CAST: variants seen among roughly 807,000 people sequenced by gnomAD.
The protein encoded by CAST is MIR583 host.
In CAST, 76 loss-of-function variants were observed where a neutral mutation model predicts 119.6. That is an observed-to-expected ratio of 0.64 (90% CI 0.53 to 0.77). The LOEUF is 0.77. CAST is among the 30% of genes least tolerant of loss of function. The pLI, the probability that CAST is intolerant of heterozygous loss-of-function variation, is 0.00. For missense variants in CAST, 953 were observed against 946.5 expected, an observed-to-expected ratio of 1.01 and a Z score of -0.09; for synonymous variants, 319 against 331.6, an observed-to-expected ratio of 0.96 and a Z score of 0.41.
intron 1 of CAST, among the ~76,000 whole-genome samples, chr5:96,544,623 G>C (rs980879789): frequency 6.6e-6 from 1 of 151,828 alleles, no homozygotes; most frequent in Non-Finnish European, 1.5e-5. Context: ...TAAAAAAGAA[G>C]TATAATTGAT....
chr5:96,277,733 A>C, the CAST span, among the ~76,000 whole-genome samples: 1 of 152,066 alleles, frequency 6.6e-6, no homozygotes, highest in Non-Finnish European at 1.5e-5. Context: ...AATATACAAA[A>C]CATCATCATT....
chr5:96,732,255 G>A (rs1248173742), intron 9 of CAST, among the ~76,000 whole-genome samples: 1 of 138,492 alleles, frequency 7.2e-6, no homozygotes, highest in African/African-American at 2.7e-5. Context: ...GATGGCCAGT[G>A]ATGATGAGCA....
the CAST span, among the ~76,000 whole-genome samples, chr5:96,291,631 G>A: frequency 1.3e-4 from 20 of 152,108 alleles, no homozygotes; most frequent in Admixed American, 1.3e-3. Flanking sequence ...AATCTTGGTG[G>A]AGGTGAATGG....
the CAST span, among the ~76,000 whole-genome samples, chr5:96,475,807 T>C: frequency 6.6e-6 from 1 of 152,232 alleles, no homozygotes; most frequent in Middle Eastern, 3.4e-3. Flanking sequence ...GGACTTCAGA[T>C]CCAAGAGTAG....
At chr5:96,421,492 C>T in the CAST span, among the ~76,000 whole-genome samples, 1 of 152,178 alleles carries the variant, frequency 6.6e-6, no homozygotes. Flanking sequence ...ATATCCATTT[C>T]TTTACATATA....
At chr5:96,520,642 A>G (rs1745502197), upstream of CAST, among the ~76,000 whole-genome samples, 1 of 152,120 alleles carries the variant, frequency 6.6e-6, no homozygotes, top group Non-Finnish European at 1.5e-5. Flanking sequence ...CTGCATAACC[A>G]AGAAGGAAAA....
rs141199755 is a variant in CAST at position 96,573,338 on chromosome 5, C to T, written c.60+43458C>T. 2.3e-3 allele frequency among the ~76,000 whole-genome samples: 349 copies of T among 151,904 alleles called. 3 individuals are homozygous for T. Among genetic ancestry groups the T allele is most frequent in the African/African-American group, 7.0e-3 (289 of 41,434 alleles). ...TTATTGAGGCATAATTTACATTAAA[C>T]GACATGCACAAGCCAGACATGGTGG... On this transcript the variant is annotated intron_variant, in intron 1 of 11. Transcript: ENST00000505143.
At chr5:96,744,204 C>T (rs1269939594) in intron 16 of CAST, among the ~76,000 whole-genome samples, 14 of 152,152 alleles carry the variant, frequency 9.2e-5, no homozygotes. Context: ...TCCTCTTTTC[C>T]ACTCTTATGA....
At chr5:96,518,708 G>T in the CAST span, among the ~76,000 whole-genome samples, 1 of 152,138 alleles carries the variant, frequency 6.6e-6, no homozygotes, top group Admixed American at 6.5e-5. Flanking sequence ...CTCAACAGCA[G>T]GCATCAAAAG....
the CAST span, among the ~76,000 whole-genome samples, chr5:96,030,593 T>A: frequency 6.6e-6 from 1 of 152,082 alleles, no homozygotes; most frequent in Non-Finnish European, 1.5e-5. Flanking sequence ...TTTAAAAAAT[T>A]TAGTACAGGC....
At chr5:96,732,868 A>C (rs1170722460) in intron 9 of CAST, among the ~76,000 whole-genome samples, 7 of 152,242 alleles carry the variant, frequency 4.6e-5, no homozygotes, top group Admixed American at 4.6e-4. Flanking sequence ...ATCAATTTGA[A>C]GCCACAAGTA....
chr5:96,596,715 A>G (rs1001616604), intron 1 of CAST, among the ~76,000 whole-genome samples: 13 of 152,154 alleles, frequency 8.5e-5, no homozygotes, highest in African/African-American at 3.1e-4. Context: ...TAAGCCCTGG[A>G]GAGTGGAGGC....
chr5:96,762,296 C>A lies in CAST; in HGVS notation c.1856C>A (p.Ala619Asp). The change falls in exon 25 of 32, where the codon GCT (alanine) becomes GAT (aspartate). Residue 619 changes from alanine (A) to aspartate (D), a missense_variant. Physicochemically the swap from Ala to Asp is moderately radical, Grantham distance 126. Coordinates refer to ENST00000675179, the MANE Select transcript of CAST (RefSeq NM_001750.7). Reference sequence around the variant, plus strand: ...AAGAAATTTGAAGATGCTAAACTTGCTGCTGCCATCTCTGAAGTGGTTTCC... The same window carrying A: ...AAGAAATTTGAAGATGCTAAACTTGATGCTGCCATCTCTGAAGTGGTTTCC... The part of the protein sequence containing the change: ...SSLKFEDAKL[A>D]AAISEVVSQT... The A allele has an allele frequency of 6.2e-7, 1 of 1,607,220 alleles. No homozygotes were observed.
the CAST span, among the ~76,000 whole-genome samples, chr5:96,027,226 T>A: frequency 2.6e-5 from 4 of 152,058 alleles, no homozygotes; most frequent in Non-Finnish European, 5.9e-5. Context: ...TGTCTTGATA[T>A]AATATGCTTA....
chr5:96,355,215 G>A, the CAST span, among the ~76,000 whole-genome samples: 3 of 132,960 alleles, frequency 2.3e-5, no homozygotes, highest in African/African-American at 8.4e-5. Flanking sequence ...AGTGTGTGAT[G>A]TTCCCCTCCC....
the CAST span, among the ~76,000 whole-genome samples, chr5:96,289,538 T>G: frequency 6.6e-6 from 1 of 152,188 alleles, no homozygotes; most frequent in Admixed American, 6.6e-5. Context: ...ATTCTCTCTC[T>G]TCCCTGCCAC....
At chr5:96,746,516 G>A (rs1763798879) in intron 17 of CAST, 91 bp downstream of exon 17, 3 of 816,328 alleles carry the variant, frequency 3.7e-6, no homozygotes, top group Non-Finnish European at 6.6e-6. Context: ...CAAAGGACAT[G>A]TCTGTCCCCC....
intron 1 of CAST, among the ~76,000 whole-genome samples, chr5:96,580,201 T>TA (rs1184553090): frequency 6.6e-6 from 1 of 152,218 alleles, no homozygotes; most frequent in Non-Finnish European, 1.5e-5. Flanking sequence ...ACGTCTTTAT[T>TA]AAAAATTTTA....
At chr5:96,523,974 C>A (rs968752884), upstream of CAST, among the ~76,000 whole-genome samples, 2 of 152,202 alleles carry the variant, frequency 1.3e-5, no homozygotes, top group African/African-American at 4.8e-5. Context: ...GCTTAATCAG[C>A]AGTTCTACAA....
Sources: allele counts gnomAD v4.1 joint callset (sites outside exome capture counted in the v4.1 genomes callset), GRCh38; gene constraint gnomAD v4.1.1; transcripts MANE v1.5; gene names NCBI Gene and HGNC (gene_info 2026-07-23, HGNC 2026-07-21).